HECW1: variants seen among roughly 807,000 people sequenced by gnomAD.
The protein encoded by HECW1 is HECT, C2 and WW domain containing E3 ubiquitin protein ligase 1.
HECW1 carries 61 observed loss-of-function variants against 182.3 expected under a neutral mutation model. The observed-to-expected ratio is 0.33, with a 90% CI of 0.27 to 0.41. The LOEUF is 0.41. Ranked by LOEUF, HECW1 falls within the 10% of genes least tolerant of loss-of-function variation. The pLI, the probability that HECW1 is intolerant of heterozygous loss-of-function variation, is 1.00. For missense variants in HECW1, 1,739 were observed against 2,108.9 expected (o/e 0.82, Z 3.44); for synonymous variants, 859 against 832.6 (o/e 1.03, Z -0.55).
intron 3 of HECW1, among the ~76,000 whole-genome samples, chr7:43,303,802 C>T (rs1317270649): frequency 6.6e-6 from 1 of 152,006 alleles, no homozygotes; most frequent in Non-Finnish European, 1.5e-5. Context: ...AGCCACCTCC[C>T]ACTCTCCTCC....
chr7:43,211,957 C>T (rs1297740611), intron 2 of HECW1, among the ~76,000 whole-genome samples: 2 of 152,140 alleles, frequency 1.3e-5, no homozygotes, highest in African/African-American at 4.8e-5. Flanking sequence ...TTTACCTCTC[C>T]CTGTCTACTA....
chr7:43,213,747 T>A (rs1328511610), intron 2 of HECW1, among the ~76,000 whole-genome samples: 1 of 152,156 alleles, frequency 6.6e-6, no homozygotes, highest in Non-Finnish European at 1.5e-5. Flanking sequence ...GCCCAGCCAA[T>A]AATTTTTTTA....
intron 17 of HECW1, among the ~76,000 whole-genome samples, chr7:43,480,359 C>G (rs1181934650): frequency 6.6e-6 from 1 of 152,108 alleles, no homozygotes; most frequent in Non-Finnish European, 1.5e-5. Flanking sequence ...AGCCAAAACT[C>G]AAAACATAGC....
chr7:43,545,486 T>C (rs2081522624), intron 26 of HECW1, among the ~76,000 whole-genome samples: 1 of 152,202 alleles, frequency 6.6e-6, no homozygotes, highest in Admixed American at 6.5e-5. Context: ...CCCTTCAAAA[T>C]GCAAAGGTTA....
At chr7:43,523,303 C>T (rs2080597141) in intron 24 of HECW1, among the ~76,000 whole-genome samples, 1 of 152,214 alleles carries the variant, frequency 6.6e-6, no homozygotes. Context: ...CCATGCCTGG[C>T]CTTGCTCGTA....
chr7:43,273,160 G>A (rs117814720), intron 3 of HECW1, among the ~76,000 whole-genome samples: 2,402 of 152,190 alleles, frequency 0.016, 40 homozygotes, highest in Non-Finnish European at 0.022. Context: ...TAGAAACTGG[G>A]TTCTACTAGA....
intron 16 of HECW1, among the ~76,000 whole-genome samples, chr7:43,478,711 G>A (rs916308426): frequency 6.6e-6 from 1 of 151,740 alleles, no homozygotes; most frequent in Non-Finnish European, 1.5e-5. Flanking sequence ...TTGATTTGGG[G>A]TGATTTTTAT....
intron 14 of HECW1, among the ~76,000 whole-genome samples, 182 bp downstream of exon 14, chr7:43,463,981 C>T (rs1369520189): frequency 6.6e-6 from 1 of 152,104 alleles, no homozygotes; most frequent in Non-Finnish European, 1.5e-5. Flanking sequence ...GAATGAGCTT[C>T]CCACCAGGAA....
chr7:43,204,129 A>G (rs1358172843), intron 2 of HECW1, among the ~76,000 whole-genome samples: 1 of 152,230 alleles, frequency 6.6e-6, no homozygotes, highest in African/African-American at 2.4e-5. Flanking sequence ...TTGGCACCAT[A>G]ATAAATAAAT....
At chr7:43,134,901 T>G (rs1787358338) in intron 2 of HECW1, among the ~76,000 whole-genome samples, 1 of 152,180 alleles carries the variant, frequency 6.6e-6, no homozygotes, top group Admixed American at 6.5e-5. Context: ...CTTGGGTACA[T>G]TTAAGAGTTT....
At chr7:43,328,551 C>T (rs975515849) in intron 5 of HECW1, among the ~76,000 whole-genome samples, 5 of 152,144 alleles carry the variant, frequency 3.3e-5, no homozygotes, top group African/African-American at 4.8e-5. Context: ...GCCCAGCCCA[C>T]GTGGGAAGAC....
chr7:43,134,342 C>T lies in HECW1; in HGVS notation c.-32+19951C>T, dbSNP rs192999506. Reference sequence around the variant, plus strand: ...CCGGGAGGCAGAGGTTGCAGTGAGCCGAGATTGCACCATTGCACTCCAGTG... The same window carrying T: ...CCGGGAGGCAGAGGTTGCAGTGAGCTGAGATTGCACCATTGCACTCCAGTG... On this transcript the variant is annotated intron_variant, in intron 2 of 29. Transcript: ENST00000395891. Among the ~76,000 whole-genome samples, 523 of 131,062 alleles carry T rather than the reference C, an allele frequency of 4.0e-3. 4 individuals are homozygous for T. The highest frequency in any genetic ancestry group is 0.015 in the African/African-American group (510 of 34,070). 86.0% of individuals were successfully genotyped at this position (131,062 alleles called of 152,430 possible). A position where few individuals can be genotyped will look rare whatever the true frequency, so the allele number is the denominator to read the frequency against.
At chr7:43,501,929 A>G (rs1268050276) in intron 21 of HECW1, among the ~76,000 whole-genome samples, 1 of 152,232 alleles carries the variant, frequency 6.6e-6, no homozygotes, top group Non-Finnish European at 1.5e-5. Context: ...CAGTGTCCAT[A>G]AATAAAGTGT....
intron 13 of HECW1, among the ~76,000 whole-genome samples, chr7:43,458,420 T>C (rs1322704405): frequency 6.6e-6 from 1 of 152,210 alleles, no homozygotes; most frequent in East Asian, 1.9e-4. Flanking sequence ...AAATCCATCC[T>C]GAACCAGGTC....
At chr7:43,114,511 G>A in intron 2 of HECW1, 120 bp downstream of exon 2, 1 of 878,460 alleles carries the variant, frequency 1.1e-6, no homozygotes, top group South Asian at 1.7e-5. Flanking sequence ...GAGATAGATT[G>A]TGGTAGAATT....
intron 11 of HECW1, among the ~76,000 whole-genome samples, chr7:43,446,154 T>TTTGTTGTTG (rs57196739): frequency 0.093 from 14,067 of 151,778 alleles, 775 homozygotes; most frequent in South Asian, 0.2. Flanking sequence ...TTGGTTTTGT[T>TTTGTTGTTG]TTGTTGTTGT....
At chr7:43,126,917 C>G (rs1786313961) in intron 2 of HECW1, among the ~76,000 whole-genome samples, 1 of 152,180 alleles carries the variant, frequency 6.6e-6, no homozygotes, top group Non-Finnish European at 1.5e-5. Flanking sequence ...CTCTTCCACC[C>G]ATTGGCCATG....
chr7:43,336,919 A>G (rs117761301), intron 5 of HECW1, among the ~76,000 whole-genome samples: 1 of 152,268 alleles, frequency 6.6e-6, no homozygotes, highest in Non-Finnish European at 1.5e-5. Context: ...TGGTGTATAT[A>G]TACATTTTCT....
chr7:43,407,111 T>C (rs2152844615), intron 7 of HECW1, among the ~76,000 whole-genome samples: 1 of 152,244 alleles, frequency 6.6e-6, no homozygotes, highest in East Asian at 1.9e-4. Flanking sequence ...AGCCCTGCCC[T>C]CCCTGGCAGC....
Sources: gnomAD v4.1 joint callset for allele counts (sites outside exome capture counted in the v4.1 genomes callset) on GRCh38, gnomAD v4.1.1 for gene constraint, MANE v1.5 for transcripts, NCBI Gene and HGNC (gene_info 2026-07-23, HGNC 2026-07-21) for gene names.